Variants in CERS1 observed in about 807,000 individuals in gnomAD.
CERS1 encodes the protein ceramide synthase 1.
In CERS1, 16 loss-of-function variants were observed where a neutral mutation model predicts 35.7. That is an observed-to-expected ratio of 0.45 (90% CI 0.30 to 0.68). The LOEUF is 0.68. CERS1 is among the 30% of genes least tolerant of loss of function. CERS1 has a pLI of 0.08. For missense variants in CERS1, 454 were observed against 453.9 expected (o/e 1.00, Z 0.00); for synonymous variants, 243 against 201.6 (o/e 1.21, Z -1.74).
At chr19:18,884,375 T>A in intron 2 of CERS1, 108 bp from the exon 3 acceptor site, 2 of 1,004,264 alleles carry the variant, frequency 2.0e-6, no homozygotes, top group Middle Eastern at 3.2e-4. Context: ...AGTACCCAGG[T>A]AACCATGCGT....
At position 18,874,590 on chromosome 19, in the gene CERS1, C is replaced by T. The variant is rs543438024; in HGVS notation, c.1011-3971G>A. 9.8e-4 allele frequency among the ~76,000 whole-genome samples: 149 copies of T among 152,314 alleles called. 1 individual carries two copies. Among genetic ancestry groups the T allele is most frequent in the Non-Finnish European group, 1.7e-3 (116 of 68,026 alleles). ...AGGTGAGAGTGTCTCAACGGATGGC[C>T]GGTCCCGGCAGCCCCTGAGAGGGCA... On this transcript the variant is annotated intron_variant, in intron 6 of 7. Transcript: ENST00000623882.
Position 18,870,122 on chromosome 19 carries a change from C to A in CERS1, c.*455G>T. ...GGTCCCGGCGTCGAAACAGGCGCCA[C>A]ATGACCGGGGGAACCGGCCGGAGCC... On this transcript the variant is annotated 3_prime_UTR_variant, in exon 7 of 8. Transcript: ENST00000623882. This position sits in a 1 kb window ranked among gnomAD's most constrained non-coding sequence, Gnocchi z 5.1. 6.4e-7 allele frequency: 1 copy of A among 1,567,354 alleles called. No individual in the cohort carries two copies. The highest frequency in any genetic ancestry group is 1.7e-4 in the Middle Eastern group (1 of 5,876).
chr19:18,889,305 C>T (rs2056437431), intron 2 of CERS1, among the ~76,000 whole-genome samples: 1 of 152,186 alleles, frequency 6.6e-6, no homozygotes, highest in Non-Finnish European at 1.5e-5. Flanking sequence ...TGCCCAGGGC[C>T]ACCCTGCTGG....
At chr19:18,875,134 G>C (rs747540115) in intron 6 of CERS1, among the ~76,000 whole-genome samples, 4 of 152,020 alleles carry the variant, frequency 2.6e-5, no homozygotes, top group Non-Finnish European at 4.4e-5. Flanking sequence ...TACTTGGGAG[G>C]CTGAGGCGGC....
At chr19:18,892,483 G>A (rs1006391508) in intron 2 of CERS1, among the ~76,000 whole-genome samples, 8 of 151,886 alleles carry the variant, frequency 5.3e-5, no homozygotes, top group Non-Finnish European at 8.8e-5. Flanking sequence ...GCGTGGTGGC[G>A]GGCGCCTGTG....
intron 2 of CERS1, among the ~76,000 whole-genome samples, chr19:18,885,878 C>T (rs1357381019): frequency 6.6e-6 from 1 of 152,176 alleles, no homozygotes; most frequent in Non-Finnish European, 1.5e-5. Context: ...CCCTGCAAAT[C>T]CCTGGCCCTG....
chr19:18,868,549 A>G lies in CERS1; in HGVS notation c.*1436T>C, dbSNP rs1376070697. On this transcript the variant is annotated 3_prime_UTR_variant, in exon 8 of 8. Transcript: ENST00000623882. ...AGGAGTCCAAGGAGACCAGCGGAGC[A>G]GACCACGCGGCATTTATTGTTGGGC... 1 of 1,427,384 alleles carries G rather than the reference A, an allele frequency of 7.0e-7. No individual in the cohort carries two copies. Among genetic ancestry groups the G allele is most frequent in the Admixed American group, 2.0e-5 (1 of 50,568 alleles). 88.4% of individuals were successfully genotyped at this position (1,427,384 alleles called of 1,614,324 possible).
chr19:18,886,208 C>T (rs548344558), intron 2 of CERS1, among the ~76,000 whole-genome samples: 1 of 151,818 alleles, frequency 6.6e-6, no homozygotes, highest in African/African-American at 2.4e-5. Context: ...GAGTTCGAGA[C>T]CAGCCTGGAC....
chr19:18,880,129 A>G (rs1197051453), intron 4 of CERS1, 145 bp downstream of exon 4: 3 of 540,244 alleles, frequency 5.6e-6, no homozygotes, highest in Non-Finnish European at 8.3e-6. Context: ...AGTCCCACCC[A>G]AATCATGAGG....
At position 18,882,480 on chromosome 19, in the gene CERS1, A is replaced by C. The variant is rs1347851058; in HGVS notation, c.590+1607T>G. ...AAACCCCATCTCTACTAAAAATATA[A>C]TAATTAGCCGGTGTGATGTCATACC... On this transcript the variant is annotated intron_variant, in intron 3 of 7. Transcript: ENST00000623882. Among the ~76,000 whole-genome samples, 3 of 151,506 alleles carry C rather than the reference A, an allele frequency of 2.0e-5. No homozygotes were observed. In the East Asian group the frequency reaches 6.1e-4, roughly 31 times the overall value.
At chr19:18,874,096 G>A (rs1320421284) in intron 6 of CERS1, among the ~76,000 whole-genome samples, 2 of 152,108 alleles carry the variant, frequency 1.3e-5, no homozygotes, top group Admixed American at 1.3e-4. Context: ...GGCAAGCTGG[G>A]TGAACATCCC....
At chr19:18,871,733 C>T (rs899684318) in intron 6 of CERS1, among the ~76,000 whole-genome samples, 1 of 152,222 alleles carries the variant, frequency 6.6e-6, no homozygotes, top group African/African-American at 2.4e-5. Flanking sequence ...CTGTCCCCAT[C>T]CAAGGACTGT....
At chr19:18,886,439 C>T (rs1179731278) in intron 2 of CERS1, among the ~76,000 whole-genome samples, 1 of 152,074 alleles carries the variant, frequency 6.6e-6, no homozygotes, top group Admixed American at 6.5e-5. Context: ...GTCCCAGCTA[C>T]TCGGGAGGCT....
chr19:18,886,661 A>C (rs917397740), intron 2 of CERS1, among the ~76,000 whole-genome samples: 1 of 151,582 alleles, frequency 6.6e-6, no homozygotes, highest in African/African-American at 2.4e-5. Flanking sequence ...TTCTCTGGCC[A>C]CTCCCTTTCT....
intron 3 of CERS1, among the ~76,000 whole-genome samples, chr19:18,883,740 C>T (rs562205252): frequency 1.3e-5 from 2 of 152,010 alleles, no homozygotes; most frequent in South Asian, 2.1e-4. Flanking sequence ...ATTGCTTGGG[C>T]GTGGCAGGTG....
chr19:18,873,213 A>G (rs565856918), intron 6 of CERS1, among the ~76,000 whole-genome samples: 47 of 152,120 alleles, frequency 3.1e-4, no homozygotes, highest in Non-Finnish European at 4.4e-4. Context: ...TTGGGGGCTG[A>G]TTTGAGATAT....
chr19:18,882,715 C>T lies in CERS1; in HGVS notation c.590+1372G>A, dbSNP rs187233724. 2.9e-3 allele frequency among the ~76,000 whole-genome samples: 440 copies of T among 150,438 alleles called. 1 individual carries two copies. Among genetic ancestry groups the T allele is most frequent in the Non-Finnish European group, 4.6e-3 (311 of 67,428 alleles). On this transcript the variant is annotated intron_variant, in intron 3 of 7. Transcript: ENST00000623882. ...TGTACGTGTTTGTTTATTTTTGAGA[C>T]GGAGTCTCGCTCTGTCGCCCAGGCT...
At chr19:18,876,536 T>G (rs948972735) in intron 6 of CERS1, among the ~76,000 whole-genome samples, 2 of 143,276 alleles carry the variant, frequency 1.4e-5, no homozygotes, top group Admixed American at 7.0e-5. Context: ...TTTGATTGGG[T>G]TGTGTGTGTG....
intron 6 of CERS1, among the ~76,000 whole-genome samples, chr19:18,871,322 G>A (rs2055966711): frequency 6.7e-6 from 1 of 149,850 alleles, no homozygotes. Context: ...TGCCTCCTGA[G>A]TTCAAGCGAT....
Sources: allele counts gnomAD v4.1 joint callset (sites outside exome capture counted in the v4.1 genomes callset), GRCh38; gene constraint gnomAD v4.1.1; non-coding constraint Gnocchi (gnomAD v3.1); transcripts MANE v1.5; gene names NCBI Gene and HGNC (gene_info 2026-07-23, HGNC 2026-07-21).